The following UNC5C variants were observed in gnomAD, a reference collection of about 807,000 sequenced individuals.
The protein encoded by UNC5C is unc-5 netrin receptor C, also known as netrin receptor UNC5C.
In UNC5C, 47 loss-of-function variants were observed where a neutral mutation model predicts 99.8. The observed-to-expected ratio is 0.47, with a 90% confidence interval of 0.37 to 0.60. UNC5C has a LOEUF of 0.60. UNC5C is among the 20% of genes least tolerant of loss of function. The pLI, the probability that UNC5C is intolerant of heterozygous loss-of-function variation, is 0.00. For missense variants in UNC5C, 1,062 were observed against 1,165.9 expected (o/e 0.91, Z 1.30); for synonymous variants, 487 against 452.2 (o/e 1.08, Z -0.98).
intron 1 of UNC5C, among the ~76,000 whole-genome samples, chr4:95,500,550 G>A (rs942513728): frequency 3.3e-5 from 5 of 152,026 alleles, no homozygotes; most frequent in South Asian, 4.1e-4. Flanking sequence ...TTTTGGCATC[G>A]AAATAATAAA....
chr4:95,242,924 T>C (rs1739379542), intron 6 of UNC5C, among the ~76,000 whole-genome samples: 1 of 152,156 alleles, frequency 6.6e-6, no homozygotes, highest in African/African-American at 2.4e-5. Flanking sequence ...CTGGGTTTTG[T>C]ATTGAAAATT....
chr4:95,400,681 G>A (rs562774873), intron 1 of UNC5C, among the ~76,000 whole-genome samples: 3 of 152,184 alleles, frequency 2.0e-5, no homozygotes, highest in East Asian at 3.9e-4. Flanking sequence ...GTGAGCCACC[G>A]CGCCCGGCCC....
chr4:95,457,703 G>A (rs959667127), intron 1 of UNC5C, among the ~76,000 whole-genome samples: 7 of 152,098 alleles, frequency 4.6e-5, no homozygotes, highest in Admixed American at 1.3e-4. Context: ...AGAGGGAGAA[G>A]TGACAGAGAT....
chr4:95,215,960 CA>C (rs766027379), intron 10 of UNC5C, 163 bp downstream of exon 10: 36 of 519,686 alleles, frequency 6.9e-5, no homozygotes, highest in Admixed American at 1.1e-4. Flanking sequence ...GCCTCAAAGA[CA>C]AAGAGAAGTA....
At chr4:95,218,899 C>G in intron 9 of UNC5C, 70 bp downstream of exon 9, 5 of 1,464,980 alleles carry the variant, frequency 3.4e-6, no homozygotes, top group Non-Finnish European at 4.6e-6. Context: ...ATCCCACGAA[C>G]AAAAAAGATT....
intron 2 of UNC5C, among the ~76,000 whole-genome samples, chr4:95,322,187 T>C (rs546858899): frequency 2.0e-5 from 3 of 152,370 alleles, no homozygotes; most frequent in Non-Finnish European, 2.9e-5. Flanking sequence ...TTTGAAATTG[T>C]TCACTCTGTT....
chr4:95,456,025 T>C (rs938725826), intron 1 of UNC5C, among the ~76,000 whole-genome samples: 6 of 152,118 alleles, frequency 3.9e-5, no homozygotes, highest in Non-Finnish European at 7.4e-5. Context: ...AAATGACTGC[T>C]ACCCGGTGAG....
At chr4:95,522,198 A>G (rs1276335268) in intron 1 of UNC5C, among the ~76,000 whole-genome samples, 2 of 152,146 alleles carry the variant, frequency 1.3e-5, no homozygotes, top group African/African-American at 4.8e-5. Flanking sequence ...ATTAAGTAAT[A>G]CTCTAATACT....
chr4:95,229,380 G>A lies in UNC5C; in HGVS notation c.1109-9204C>T, dbSNP rs576196279. Among the ~76,000 whole-genome samples, 6 of 152,096 alleles carry A rather than the reference G, an allele frequency of 3.9e-5. No individual in the cohort carries two copies. The South Asian group carries it at 1.0e-3, about 26-fold the overall frequency. On this transcript the variant is annotated intron_variant, in intron 7 of 15. Coordinates refer to ENST00000453304, the MANE Select transcript of UNC5C (RefSeq NM_003728.4). ...TATGAGTGAGAACATGCAGTGTTTG[G>A]TTTTCTGTTCCTGAGTTAGTTTGCT... is the stretch of plus-strand genomic sequence containing the variant.
chr4:95,339,233 G>A (rs1179267327), intron 1 of UNC5C, among the ~76,000 whole-genome samples: 1 of 152,056 alleles, frequency 6.6e-6, no homozygotes. Flanking sequence ...GGGAAGGTGT[G>A]TGACTTTATG....
chr4:95,238,228 C>T (rs1380572124), intron 7 of UNC5C, among the ~76,000 whole-genome samples: 5 of 151,888 alleles, frequency 3.3e-5, no homozygotes, highest in Non-Finnish European at 7.4e-5. Context: ...CATTATGATC[C>T]CTGATATATG....
chr4:95,356,163 C>T (rs986791785), intron 1 of UNC5C, among the ~76,000 whole-genome samples: 3 of 127,976 alleles, frequency 2.3e-5, no homozygotes, highest in African/African-American at 9.2e-5. Flanking sequence ...GCACTTCATT[C>T]AGCCTGGGTG....
In UNC5C at chr4:95,206,752, C is replaced by T. The variant is rs747650161; in HGVS notation, c.1778G>A (p.Ser593Asn). 2.5e-5 allele frequency: 40 copies of T among 1,613,264 alleles called. No homozygotes were observed. Residue 593 changes from serine to asparagine, a missense_variant, in exon 11 of 16, where the codon AGC becomes AAC. This residue lies in a region of UNC5C where 810 missense variants were observed against 854.5 expected (regional missense o/e 0.95). Transcript: ENST00000453304. ...DSQTLLTPVV[S>N]CGPPGALLTR... ...GAGCAGAGCTCCTGGGGGCCCACAG[C>T]TCACCACAGGGGTCAAAAGTGTCTG...
intron 4 of UNC5C, 114 bp from the exon 5 acceptor site, chr4:95,250,781 C>G: frequency 1.9e-6 from 2 of 1,058,520 alleles, no homozygotes; most frequent in South Asian, 3.1e-5. Flanking sequence ...GAAGCGATAC[C>G]TGTGTTTTGT....
At chr4:95,485,153 G>T (rs925461673) in intron 1 of UNC5C, among the ~76,000 whole-genome samples, 1 of 151,594 alleles carries the variant, frequency 6.6e-6, no homozygotes, top group Admixed American at 6.6e-5. Flanking sequence ...AGTGGAAATT[G>T]GTATCATATT....
At chr4:95,328,235 T>C (rs2149416899) in intron 2 of UNC5C, among the ~76,000 whole-genome samples, 1 of 72,026 alleles carries the variant, frequency 1.4e-5, no homozygotes, top group Middle Eastern at 5.3e-3. Context: ...CCCACCACAG[T>C]CCCCAGAGTG....
rs1360525452 is a variant in UNC5C, at chr4:95,169,208, C to T, written c.*26G>A. ...CACAGACTCCCTGTGCATTTTTGTC[C>T]TTCATTTCCCCTTCCAGCATGGTGG... On this transcript the variant is annotated 3_prime_UTR_variant, in exon 16 of 16. Coordinates refer to ENST00000453304, the MANE Select transcript of UNC5C (RefSeq NM_003728.4). 26 of 1,610,646 alleles carry T rather than the reference C, an allele frequency of 1.6e-5. No individual in the cohort carries two copies. Among genetic ancestry groups the T allele is most frequent in the Non-Finnish European group, 2.2e-5 (26 of 1,177,664 alleles).
At chr4:95,178,681 T>G (rs933735728) in intron 14 of UNC5C, among the ~76,000 whole-genome samples, 1 of 152,206 alleles carries the variant, frequency 6.6e-6, no homozygotes, top group African/African-American at 2.4e-5. Context: ...GGAAGTTAAA[T>G]CCTGAAATGA....
intron 12 of UNC5C, among the ~76,000 whole-genome samples, chr4:95,193,465 A>G (rs754396185): frequency 6.6e-6 from 1 of 152,206 alleles, no homozygotes; most frequent in Non-Finnish European, 1.5e-5. Context: ...AGAACAGACC[A>G]GCAAATGTGC....
Sources: gnomAD v4.1 joint callset for allele counts (sites outside exome capture counted in the v4.1 genomes callset) on GRCh38, gnomAD v4.1.1 for gene constraint, gnomAD v4.1.1 regional missense constraint, MANE v1.5 for transcripts, NCBI Gene and HGNC (gene_info 2026-07-23, HGNC 2026-07-21) for gene names.